Variants in WEE2 observed in about 807,000 individuals in gnomAD.
WEE2 encodes WEE2 oocyte meiosis inhibiting kinase, also known as wee1-like protein kinase 2.
In WEE2, 50 loss-of-function variants were observed where a neutral mutation model predicts 60.1. The observed-to-expected ratio is 0.83, with a 90% CI of 0.66 to 1.05. WEE2 has a LOEUF of 1.05. Ranked by LOEUF, WEE2 falls within the 50% of genes least tolerant of loss-of-function variation. The pLI, the probability that WEE2 is intolerant of heterozygous loss-of-function variation, is 0.00. For missense variants in WEE2, 631 were observed against 684.3 expected (o/e 0.92, Z 0.87); for synonymous variants, 240 against 241.0 (o/e 1.00, Z 0.04).
chr7:141,724,365 A>G (rs566296968), intron 8 of WEE2, 90 bp downstream of exon 8: 3 of 1,114,610 alleles, frequency 2.7e-6, no homozygotes, highest in East Asian at 2.4e-5. Context: ...TTAAAACTGT[A>G]TATTTATCAT....
chr7:141,719,204 A>G lies in WEE2; in HGVS notation c.718A>G (p.Ile240Val). 1.2e-6 allele frequency: 2 copies of G among 1,612,922 alleles called. No individual in the cohort carries two copies. The highest frequency in any genetic ancestry group is 2.2e-5 in the South Asian group (2 of 90,774). Residue 240 changes from isoleucine (I) to valine (V), a missense_variant, in exon 4 of 12, where the codon ATA becomes GTA. By Grantham distance (29) the Ile-to-Val change is conservative. Coordinates refer to ENST00000397541, the MANE Select transcript of WEE2 (RefSeq NM_001105558.1). The part of the protein sequence containing the change: ...IKRLDGCVYA[I>V]KRSMKTFTEL... ...GAGGCTGGATGGATGTGTTTATGCA[A>G]TAAAGCGCTCTATGAAAACTTTTAC... is the stretch of plus-strand genomic sequence containing the variant.
chr7:141,721,938 A>G (rs2117117088), intron 5 of WEE2, among the ~76,000 whole-genome samples: 1 of 152,346 alleles, frequency 6.6e-6, no homozygotes, highest in Non-Finnish European at 1.5e-5. Flanking sequence ...CTGAACTTAC[A>G]TGTCATGCTA....
At chr7:141,720,624 C>A (rs1017573782) in intron 4 of WEE2, among the ~76,000 whole-genome samples, 31 of 152,112 alleles carry the variant, frequency 2.0e-4, no homozygotes, top group African/African-American at 7.2e-4. Context: ...CCACTTAAAG[C>A]TCCTCTTTAC....
Position 141,714,196 on chromosome 7 carries a change from C to T in WEE2, c.343-13C>T, listed in dbSNP as rs142695209. The T allele has an allele frequency of 1.4e-5, 23 of 1,588,432 alleles. No homozygotes were observed. In the East Asian group the frequency reaches 5.2e-4, roughly 36 times the overall value. Reference sequence around the variant, plus strand: ...AATGCTATTATGACTTGCCTTTTGTCATCCTCATTCAGACCATGCTGAGCC... The same window carrying T: ...AATGCTATTATGACTTGCCTTTTGTTATCCTCATTCAGACCATGCTGAGCC... On this transcript the variant is annotated splice_polypyrimidine_tract_variant and intron_variant, in intron 1 of 11. Transcript: ENST00000397541.
At chr7:141,723,459 A>G (rs1798954741) in intron 6 of WEE2, among the ~76,000 whole-genome samples, 179 bp downstream of exon 6, 1 of 152,282 alleles carries the variant, frequency 6.6e-6, no homozygotes, top group Admixed American at 6.5e-5. Flanking sequence ...CCTAGGCCCA[A>G]CAGACATAGA....
intron 2 of WEE2, 43 bp from the exon 3 acceptor site, chr7:141,716,179 A>C (rs1247840203): frequency 9.2e-6 from 14 of 1,526,066 alleles, no homozygotes; most frequent in Non-Finnish European, 1.3e-5. Flanking sequence ...GGCCTCAATA[A>C]ATATTAATTA....
rs750933617 is a variant in WEE2, at chr7:141,729,632, G to A, written c.1637G>A (p.Arg546His). 25 of 1,613,882 alleles carry A rather than the reference G, an allele frequency of 1.5e-5. No individual in the cohort carries two copies. In the South Asian group the frequency reaches 2.2e-4, roughly 14 times the overall value. ...GTHTGSRSTK[R>H]LVGGKSARSS... The stretch of plus-strand genomic sequence containing the variant: ...CACACAGGATCAAGAAGCACAAAAC[G>A]CCTGGTGGGAGGAAAGAGTGCAAGG... The change falls in exon 11 of 12, where the codon CGC (arginine) becomes CAC (histidine). Residue 546 changes from arginine to histidine, a missense_variant. Transcript: ENST00000397541.
intron 3 of WEE2, 62 bp downstream of exon 3, chr7:141,716,329 C>T (rs947252041): frequency 1.3e-6 from 2 of 1,493,906 alleles, no homozygotes; most frequent in Non-Finnish European, 1.8e-6. Flanking sequence ...TCTTTCTCTT[C>T]TTCCCCTCCC....
rs758543998 is a variant in WEE2 at position 141,719,235 on chromosome 7, TA to T, written c.750del (p.Leu250PhefsTer36). 6.2e-7 allele frequency: 1 copy of T among 1,607,020 alleles called. No individual in the cohort carries two copies. Among genetic ancestry groups the T allele is most frequent in the African/African-American group, 1.3e-5 (1 of 74,674 alleles). On this transcript the variant is annotated frameshift_variant, in exon 4 of 12. Coordinates refer to ENST00000397541, the MANE Select transcript of WEE2 (RefSeq NM_001105558.1). LOFTEE classifies it high-confidence loss of function. Reference sequence around the variant, plus strand: ...CGCTCTATGAAAACTTTTACAGAATTATCAAATGAGTGAGTACCTTTGAAAT... The same window carrying T: ...CGCTCTATGAAAACTTTTACAGAATTTCAAATGAGTGAGTACCTTTGAAAT... Reference protein sequence around the residue: ...IKRSMKTFTELSNENSALHEV... With the variant: ...IKRSMKTFTEXSNENSALHEV...
At chr7:141,722,171 C>T (rs528058207) in intron 5 of WEE2, among the ~76,000 whole-genome samples, 4 of 152,102 alleles carry the variant, frequency 2.6e-5, no homozygotes, top group Admixed American at 6.5e-5. Flanking sequence ...TTTGGGAGGC[C>T]GAGGCGGGCA....
chr7:141,728,480 C>T (rs1296645436), intron 10 of WEE2, among the ~76,000 whole-genome samples: 2 of 152,016 alleles, frequency 1.3e-5, no homozygotes, highest in African/African-American at 4.8e-5. Flanking sequence ...TTCCATTGTC[C>T]CAGCTAATAA....
At chr7:141,729,360 C>A (rs1799082272) in intron 10 of WEE2, among the ~76,000 whole-genome samples, 171 bp from the exon 11 acceptor site, 1 of 152,212 alleles carries the variant, frequency 6.6e-6, no homozygotes, top group Non-Finnish European at 1.5e-5. Flanking sequence ...TGTGTGTCAA[C>A]CATTTTTTAT....
chr7:141,711,106 A>T lies in WEE2; in HGVS notation c.342+2006A>T, dbSNP rs910279341. 2.6e-5 allele frequency among the ~76,000 whole-genome samples: 4 copies of T among 152,252 alleles called. No homozygotes were observed. Among genetic ancestry groups the T allele is most frequent in the African/African-American group, 7.2e-5 (3 of 41,468 alleles). On this transcript the variant is annotated intron_variant, in intron 1 of 11. Transcript: ENST00000397541. This position sits in a 1 kb window ranked among gnomAD's most constrained non-coding sequence, Gnocchi z 4.2. ...TTTCTTGCTTGGTTCAGTAGACAGA[A>T]TCAAGATAGATGACACTAAGGGATA...
At chr7:141,714,040 A>G (rs1798751560) in intron 1 of WEE2, 169 bp from the exon 2 acceptor site, 3 of 555,234 alleles carry the variant, frequency 5.4e-6, no homozygotes, top group African/African-American at 3.8e-5. Context: ...CTGGGATTCT[A>G]TAGTTTTCAT....
At chr7:141,724,491 T>C (rs1399462116) in intron 8 of WEE2, among the ~76,000 whole-genome samples, 2 of 152,244 alleles carry the variant, frequency 1.3e-5, no homozygotes, top group African/African-American at 4.8e-5. Flanking sequence ...CTATTCTTTC[T>C]AAATGTCCTT....
chr7:141,724,996 T>G (rs1412104266), intron 8 of WEE2, 30 bp from the exon 9 acceptor site: 2 of 1,604,058 alleles, frequency 1.2e-6, no homozygotes, highest in Admixed American at 1.7e-5. Flanking sequence ...CTTGGCATAG[T>G]AACTGGCCTT....
chr7:141,724,162 ATTC>A, intron 7 of WEE2, 25 bp from the exon 8 acceptor site: 4 of 1,594,124 alleles, frequency 2.5e-6, no homozygotes, highest in Non-Finnish European at 3.4e-6. Context: ...GTTCGATTTT[ATTC>A]TTTTTTCCTT....
At position 141,714,418 on chromosome 7, in the gene WEE2, T is replaced by C. The variant is rs781562564; in HGVS notation, c.539+13T>C. 8.8e-6 allele frequency: 14 copies of C among 1,594,792 alleles called. No individual in the cohort carries two copies. The South Asian group carries it at 9.1e-5, about 10-fold the overall frequency. The stretch of plus-strand genomic sequence containing the variant: ...TAAGAGGAGATCTGTAAGTGCTCTA[T>C]TACTTATGACTTTTGAGAACTGACC... On this transcript the variant is annotated intron_variant, in intron 2 of 11. Coordinates refer to ENST00000397541, the MANE Select transcript of WEE2 (RefSeq NM_001105558.1).
In WEE2 at chr7:141,725,086, G is replaced by C. The variant is rs769262788; in HGVS notation, c.1282G>C (p.Ala428Pro). The C allele has an allele frequency of 1.3e-5, 21 of 1,614,064 alleles. No homozygotes were observed. Among genetic ancestry groups the C allele is most frequent in the Non-Finnish European group, 1.5e-5 (18 of 1,180,038 alleles). Residue 428 changes from alanine to proline, a missense_variant, in exon 9 of 12, where the codon GCA becomes CCA. Coordinates refer to ENST00000397541, the MANE Select transcript of WEE2 (RefSeq NM_001105558.1). The part of the protein sequence containing the change: ...FALGLTIAVA[A>P]GAESLPTNGA... ...CTTGGGATTAACAATTGCAGTGGCT[G>C]CAGGAGCAGAGTCATTGCCCACCAA...
Sources: gnomAD v4.1 joint callset for allele counts (sites outside exome capture counted in the v4.1 genomes callset) on GRCh38, gnomAD v4.1.1 for gene constraint, Gnocchi (gnomAD v3.1) non-coding constraint, MANE v1.5 for transcripts, NCBI Gene and HGNC (gene_info 2026-07-23, HGNC 2026-07-21) for gene names.